Variants in DAB1 observed in about 807,000 individuals in gnomAD.
DAB1 encodes DAB adaptor protein 1, also known as disabled homolog 1.
DAB1 carries 15 observed loss-of-function variants against 64.6 expected under a neutral mutation model. The ratio of observed to expected loss-of-function variants is 0.23; its 90% CI spans 0.16 to 0.36. DAB1 has a LOEUF of 0.36. Among genes scored for constraint, DAB1 ranks in the 10% least tolerant of loss-of-function variants. The probability of loss-of-function intolerance (pLI) is 1.00; values close to 1 mark genes in which losing one functional copy is unlikely to be tolerated. For missense variants in DAB1, 596 were observed against 706.7 expected (o/e 0.84, Z 1.78); for synonymous variants, 235 against 251.9 (o/e 0.93, Z 0.64).
intron 2 of DAB1, among the ~76,000 whole-genome samples, chr1:57,204,205 T>TA (rs1665348449): frequency 6.6e-6 from 1 of 152,136 alleles, no homozygotes; most frequent in Admixed American, 6.5e-5. Context: ...TAGTATTCTT[T>TA]AAAAAATGCC....
At chr1:57,631,189 G>A (rs1391017406) in intron 7 of DAB1, among the ~76,000 whole-genome samples, 1 of 152,084 alleles carries the variant, frequency 6.6e-6, no homozygotes, top group Non-Finnish European at 1.5e-5. Context: ...GGATGGTCAT[G>A]GAAGGAAGGG....
chr1:58,120,653 C>T (rs1652681823), intron 5 of DAB1, among the ~76,000 whole-genome samples: 1 of 152,140 alleles, frequency 6.6e-6, no homozygotes, highest in African/African-American at 2.4e-5. Context: ...AAGACTATGG[C>T]ATTTTCCTTC....
chr1:57,965,148 G>A (rs1231479432), intron 5 of DAB1, among the ~76,000 whole-genome samples: 1 of 152,214 alleles, frequency 6.6e-6, no homozygotes, highest in African/African-American at 2.4e-5. Flanking sequence ...AATCTATAGA[G>A]AGACAGAGTA....
intron 1 of DAB1, chr1:57,874,001 C>A (rs1355822824): frequency 1.3e-5 from 2 of 152,054 alleles, no homozygotes; most frequent in Non-Finnish European, 2.9e-5. Context: ...GTCTCTGGTA[C>A]AGATGAAGAC....
At chr1:58,520,044 T>C (rs867093475) in intron 2 of DAB1, among the ~76,000 whole-genome samples, 3 of 152,016 alleles carry the variant, frequency 2.0e-5, no homozygotes, top group Non-Finnish European at 4.4e-5. Context: ...GAGCTAAACA[T>C]TGACTACACA....
At chr1:57,513,841 C>T (rs1644433010) in intron 7 of DAB1, among the ~76,000 whole-genome samples, 2 of 152,206 alleles carry the variant, frequency 1.3e-5, no homozygotes, top group Non-Finnish European at 2.9e-5. Context: ...CTCTCCAACA[C>T]TCTCTTCCCA....
At chr1:58,167,568 G>A (rs1271440393) in intron 4 of DAB1, among the ~76,000 whole-genome samples, 1 of 152,238 alleles carries the variant, frequency 6.6e-6, no homozygotes, top group African/African-American at 2.4e-5. Flanking sequence ...AGCCAGCAGT[G>A]GCAACCTGCT....
chr1:57,411,911 C>T (rs764417966), intron 1 of DAB1, among the ~76,000 whole-genome samples: 7 of 152,216 alleles, frequency 4.6e-5, no homozygotes, highest in Non-Finnish European at 1.0e-4. Context: ...TATTGCACTT[C>T]ACAGTTATTG....
intron 1 of DAB1, among the ~76,000 whole-genome samples, chr1:57,315,331 G>A (rs1181387264): frequency 6.6e-6 from 1 of 152,076 alleles, no homozygotes; most frequent in Non-Finnish European, 1.5e-5. Context: ...TTAACCTCTT[G>A]AGAGCACCAG....
chr1:58,334,402 T>A (rs1663049790), intron 4 of DAB1, among the ~76,000 whole-genome samples: 1 of 152,066 alleles, frequency 6.6e-6, no homozygotes, highest in South Asian at 2.1e-4. Flanking sequence ...GATACTGGGG[T>A]TGTTTATTAT....
At chr1:58,007,662 T>C (rs1646605782) in intron 5 of DAB1, among the ~76,000 whole-genome samples, 1 of 152,226 alleles carries the variant, frequency 6.6e-6, no homozygotes, top group African/African-American at 2.4e-5. Flanking sequence ...CAGTGTGGTC[T>C]CTTTTGAGAG....
chr1:57,761,450 T>C (rs1649082653), intron 6 of DAB1, among the ~76,000 whole-genome samples: 1 of 152,208 alleles, frequency 6.6e-6, no homozygotes, highest in Non-Finnish European at 1.5e-5. Context: ...TAACTGAAGT[T>C]TGGGAAATTC....
intron 1 of DAB1, among the ~76,000 whole-genome samples, chr1:57,855,340 T>C (rs1305702581): frequency 6.6e-6 from 1 of 152,176 alleles, no homozygotes; most frequent in Non-Finnish European, 1.5e-5. Context: ...CATATCCCCC[T>C]GAGGACATAG....
At chr1:57,269,292 T>C (rs1364219905) in intron 2 of DAB1, among the ~76,000 whole-genome samples, 2 of 151,784 alleles carry the variant, frequency 1.3e-5, no homozygotes, top group Non-Finnish European at 2.9e-5. Context: ...GGATGGAGGG[T>C]GAATCTGAGT....
intron 5 of DAB1, among the ~76,000 whole-genome samples, chr1:57,941,856 C>A (rs1311700298): frequency 6.6e-6 from 1 of 151,928 alleles, no homozygotes; most frequent in African/African-American, 2.4e-5. Flanking sequence ...GAAAAGAAAT[C>A]TAATGGGGTG....
At chr1:57,397,156 G>T (rs1682878016) in intron 1 of DAB1, among the ~76,000 whole-genome samples, 2 of 152,120 alleles carry the variant, frequency 1.3e-5, no homozygotes, top group South Asian at 4.2e-4. Context: ...GTAAAATTTG[G>T]GAAAGAAAAC....
intron 3 of DAB1, among the ~76,000 whole-genome samples, chr1:58,395,730 C>A (rs1021795264): frequency 7.9e-5 from 12 of 152,176 alleles, no homozygotes; most frequent in Non-Finnish European, 2.9e-5. Flanking sequence ...AGCAGGTAGT[C>A]TGTTCATTTG....
chr1:57,999,030 C>A (rs1036160329), intron 5 of DAB1, among the ~76,000 whole-genome samples: 1 of 152,186 alleles, frequency 6.6e-6, no homozygotes, highest in Non-Finnish European at 1.5e-5. Context: ...TGAACCTCTT[C>A]TTTAAAAATG....
intron 7 of DAB1, among the ~76,000 whole-genome samples, chr1:57,502,577 T>C (rs1049961841): frequency 3.3e-5 from 5 of 152,202 alleles, no homozygotes; most frequent in Non-Finnish European, 7.3e-5. Flanking sequence ...GTCTATTTGG[T>C]TCTTTCCATA....
Sources: allele counts gnomAD v4.1 joint callset (sites outside exome capture counted in the v4.1 genomes callset), GRCh38; gene constraint gnomAD v4.1.1; transcripts MANE v1.5; gene names NCBI Gene and HGNC (gene_info 2026-07-23, HGNC 2026-07-21).